The following FILIP1 variants were observed in gnomAD, a reference collection of about 807,000 sequenced individuals.
FILIP1 encodes filamin A interacting protein 1.
FILIP1 carries 61 observed loss-of-function variants against 102.1 expected under a neutral mutation model. The observed-to-expected ratio is 0.60, with a 90% confidence interval of 0.49 to 0.74. The LOEUF is 0.74. Ranked by LOEUF, FILIP1 falls within the 30% of genes least tolerant of loss-of-function variation. The pLI, the probability that FILIP1 is intolerant of heterozygous loss-of-function variation, is 0.00. For synonymous variants in FILIP1, 491 were observed against 526.9 expected (o/e 0.93, Z 0.93); for missense variants, 1,314 against 1,441.2 (o/e 0.91, Z 1.43).
At chr6:75,301,015 T>A (rs752369277) in intron 6 of FILIP1, among the ~76,000 whole-genome samples, 2 of 152,180 alleles carry the variant, frequency 1.3e-5, no homozygotes, top group Non-Finnish European at 2.9e-5. Flanking sequence ...AAATAAAAAT[T>A]AAGTAATGGA....
rs191480173 is a variant in FILIP1, at chr6:75,319,821, C to T, written c.630-4619G>A. 2,493 of 347,722 alleles carry T rather than the reference C, an allele frequency of 7.2e-3. 16 individuals are homozygous for T. The highest frequency in any genetic ancestry group is 9.4e-3 in the Non-Finnish European group (1,822 of 194,650). The allele number at this position is 347,722 out of a possible 1,614,324, so 21.5% of individuals were successfully genotyped here. A position where few individuals can be genotyped will look rare whatever the true frequency, so the allele number is the denominator to read the frequency against. ...CTCCAGCCTGGGCAACAGAGCAAGA[C>T]TCCGTCCCCCAAAAAAAAAAAGAAA... On this transcript the variant is annotated intron_variant, in intron 4 of 5. Transcript: ENST00000237172.
intron 1 of FILIP1, among the ~76,000 whole-genome samples, chr6:75,491,792 A>G (rs1163315915): frequency 6.6e-6 from 1 of 152,178 alleles, no homozygotes; most frequent in South Asian, 2.1e-4. Flanking sequence ...ACAACAATGA[A>G]GACAATTAAT....
intron 2 of FILIP1, chr6:75,398,840 C>A (rs563124460): frequency 9.9e-6 from 1 of 100,930 alleles, no homozygotes. Context: ...TAACTTAAAG[C>A]GAAATTTATC....
rs57998783 is a variant in FILIP1, at chr6:75,299,007, C to CA, written c.3494-3058dup. Among the ~76,000 whole-genome samples the CA allele has an allele frequency of 2.2e-3, 308 of 141,770 alleles. 1 individual carries two copies. The highest frequency in any genetic ancestry group is 6.3e-3 in the African/African-American group (236 of 37,650). The allele number at this position is 141,770 out of a possible 152,430, so 93.0% of individuals were successfully genotyped here. On this transcript the variant is annotated intron_variant, in intron 6 of 6. Transcript: ENST00000393004. ...AGGCACATGGAGTCCATGTTGCCAG[C>CA]AAAAAAAAAAATTAAATAAATTTTT...
At chr6:75,419,662 G>T (rs1443613206) in intron 1 of FILIP1, among the ~76,000 whole-genome samples, 1 of 151,944 alleles carries the variant, frequency 6.6e-6, no homozygotes, top group Non-Finnish European at 1.5e-5. Context: ...AATACCCAAG[G>T]CACCCAAAAC....
intron 1 of FILIP1, among the ~76,000 whole-genome samples, chr6:75,426,465 G>A (rs1007775154): frequency 2.0e-5 from 3 of 152,184 alleles, no homozygotes; most frequent in Non-Finnish European, 4.4e-5. Flanking sequence ...ACTGTAGAAA[G>A]GAGGTGATAG....
chr6:75,483,212 T>C (rs1411327965), intron 1 of FILIP1, among the ~76,000 whole-genome samples: 3 of 152,202 alleles, frequency 2.0e-5, no homozygotes, highest in East Asian at 1.9e-4. Context: ...AAATGTAGAT[T>C]TTAAAAGTTC....
At chr6:75,484,778 T>C (rs765479200) in intron 1 of FILIP1, among the ~76,000 whole-genome samples, 23 of 152,190 alleles carry the variant, frequency 1.5e-4, no homozygotes, top group African/African-American at 5.3e-4. Flanking sequence ...CATGTAATCA[T>C]TGACATTGTG....
chr6:75,314,220 C>T lies in FILIP1; in HGVS notation c.1612G>A (p.Gly538Arg). 1 of 1,559,022 alleles carries T rather than the reference C, an allele frequency of 6.4e-7. No homozygotes were observed. The highest frequency in any genetic ancestry group is 8.6e-7 in the Non-Finnish European group (1 of 1,163,570). ...GLNKNFKVEQ[G>R]KVMDVTEKLI... Reference sequence around the variant, plus strand: ...TTTTCAGTTACATCCATAACTTTTCCTTGTTCCACCTTAAAATTTTTATTG... The same window carrying T: ...TTTTCAGTTACATCCATAACTTTTCTTTGTTCCACCTTAAAATTTTTATTG... The change falls in exon 5 of 6, where the codon GGA becomes AGA. Residue 538 changes from glycine (G) to arginine (R), a missense_variant. Transcript: ENST00000237172.
Position 75,414,807 on chromosome 6 carries a change from T to C in FILIP1, c.166A>G (p.Lys56Glu), listed in dbSNP as rs200076124. Residue 56 changes from lysine (K) to glutamate (E), a missense_variant, in exon 2 of 6, where the codon AAA becomes GAA. Coordinates refer to ENST00000237172, the MANE Select transcript of FILIP1 (RefSeq NM_015687.5). ...TCTCCAGATGTTTTTAGGTGTCGTT[T>C]GACAGTTCCTGAGGCCATGACATCA... Reference protein sequence around the residue: ...EDDVMASGTVKRHLKTSGECE... With the variant: ...EDDVMASGTVERHLKTSGECE... The C allele has an allele frequency of 1.4e-4, 223 of 1,613,870 alleles. No individual in the cohort carries two copies. Among genetic ancestry groups the C allele is most frequent in the Non-Finnish European group, 1.7e-4 (205 of 1,179,894 alleles).
intron 2 of FILIP1, among the ~76,000 whole-genome samples, chr6:75,369,104 G>A (rs1444152576): frequency 6.6e-6 from 1 of 152,156 alleles, no homozygotes; most frequent in Non-Finnish European, 1.5e-5. Flanking sequence ...GATTCCCAGG[G>A]ACTTTGTTGC....
intron 2 of FILIP1, among the ~76,000 whole-genome samples, chr6:75,372,740 AAG>A (rs1775605502): frequency 1.8e-5 from 1 of 54,640 alleles, no homozygotes; most frequent in Non-Finnish European, 3.6e-5. Flanking sequence ...GAAAGAAAGA[AAG>A]AAAGAAAGAA....
chr6:75,361,526 C>T (rs929675412), intron 3 of FILIP1, among the ~76,000 whole-genome samples: 2 of 152,204 alleles, frequency 1.3e-5, no homozygotes, highest in Admixed American at 1.3e-4. Context: ...CCTCAAATCT[C>T]CCCAAGTTTC....
intron 1 of FILIP1, among the ~76,000 whole-genome samples, chr6:75,441,236 C>T (rs1238512279): frequency 6.6e-6 from 1 of 151,642 alleles, no homozygotes; most frequent in Non-Finnish European, 1.5e-5. Context: ...CATCTTGCAC[C>T]GCCCTTAATC....
rs554676792 is a variant in FILIP1, at chr6:75,417,926, G to A, written c.-6-2948C>T. Among the ~76,000 whole-genome samples the A allele has an allele frequency of 1.3e-4, 20 of 152,264 alleles. 1 individual carries two copies. Among genetic ancestry groups the A allele is most frequent in the African/African-American group, 3.8e-4 (16 of 41,562 alleles). ...CAAGAAAAAGTCAGAGGCCAGGCGC[G>A]GTGGCTCACACCTATAATCCCAGCA... On this transcript the variant is annotated intron_variant, in intron 1 of 5. Transcript: ENST00000237172.
chr6:75,402,546 C>T (rs1046495502), intron 2 of FILIP1, among the ~76,000 whole-genome samples: 1 of 152,114 alleles, frequency 6.6e-6, no homozygotes, highest in African/African-American at 2.4e-5. Flanking sequence ...CCTCATTCTT[C>T]AGAAGCACAG....
At chr6:75,427,910 C>T (rs1205372445) in intron 1 of FILIP1, among the ~76,000 whole-genome samples, 2 of 152,106 alleles carry the variant, frequency 1.3e-5, no homozygotes, top group East Asian at 1.9e-4. Flanking sequence ...CTGTATATTC[C>T]TCACTGTCTT....
rs1773296356 is a variant in FILIP1, at chr6:75,313,576, T to C, written c.2256A>G (p.Gln752=). 6.2e-7 allele frequency: 1 copy of C among 1,614,148 alleles called. No homozygotes were observed. Among genetic ancestry groups the C allele is most frequent in the Non-Finnish European group, 8.5e-7 (1 of 1,180,014 alleles). ...SQLQVDYSVL[Q]QRFMEEENKN... ...TATTTTCTTCTTCCATAAATCTTTG[T>C]TGAAGTACAGAATAATCTACCTGGA... The change falls in exon 5 of 6, where the codon CAA becomes CAG. Residue 752 remains glutamine, a synonymous_variant. Coordinates refer to ENST00000237172, the MANE Select transcript of FILIP1 (RefSeq NM_015687.5). This position sits in a 1 kb window ranked among gnomAD's most constrained non-coding sequence, Gnocchi z 4.2.
At chr6:75,309,590 T>G (rs971160063) in intron 5 of FILIP1, among the ~76,000 whole-genome samples, 3 of 152,170 alleles carry the variant, frequency 2.0e-5, no homozygotes, top group Admixed American at 6.5e-5. Flanking sequence ...ATCCCTAGGC[T>G]TCAGTGCCCT....
Sources: allele counts gnomAD v4.1 joint callset (sites outside exome capture counted in the v4.1 genomes callset), GRCh38; gene constraint gnomAD v4.1.1; non-coding constraint Gnocchi (gnomAD v3.1); transcripts MANE v1.5; gene names NCBI Gene and HGNC (gene_info 2026-07-23, HGNC 2026-07-21).